The following TBX15 variants were observed in gnomAD, a reference collection of about 807,000 sequenced individuals.
The protein encoded by TBX15 is T-box transcription factor 15.
TBX15 carries 18 observed loss-of-function variants against 53.9 expected under a neutral mutation model. The ratio of observed to expected loss-of-function variants is 0.33; its 90% CI spans 0.23 to 0.49. The LOEUF (loss-of-function observed/expected upper bound fraction) is 0.49. Ranked by LOEUF, TBX15 falls within the 20% of genes least tolerant of loss-of-function variation. The probability of loss-of-function intolerance (pLI) is 0.98; values close to 1 mark genes in which losing one functional copy is unlikely to be tolerated. For missense variants in TBX15, 692 were observed against 749.5 expected (o/e 0.92, Z 0.90); for synonymous variants, 295 against 278.0 (o/e 1.06, Z -0.61).
At chr1:118,918,980 A>C (rs1428629510) in intron 5 of TBX15, among the ~76,000 whole-genome samples, 1 of 152,210 alleles carries the variant, frequency 6.6e-6, no homozygotes, top group Admixed American at 6.5e-5. Flanking sequence ...ACCTTAGCCC[A>C]TATGAAAAAG....
intron 1 of TBX15, among the ~76,000 whole-genome samples, chr1:118,965,151 G>A (rs376006036): frequency 8.5e-4 from 129 of 152,212 alleles, no homozygotes; most frequent in African/African-American, 2.9e-3. Context: ...GAAAGCCTCC[G>A]GCACTGAAGA....
chr1:118,907,601 A>G (rs539784990), intron 6 of TBX15, among the ~76,000 whole-genome samples: 2 of 152,220 alleles, frequency 1.3e-5, no homozygotes, highest in Admixed American at 1.3e-4. Context: ...GGCAGTTGTC[A>G]TGCTCCCTCT....
chr1:118,895,811 C>T (rs1483369309), intron 7 of TBX15, among the ~76,000 whole-genome samples: 1 of 152,128 alleles, frequency 6.6e-6, no homozygotes, highest in Non-Finnish European at 1.5e-5. Context: ...TAAAAACCAT[C>T]AATAGGAAGA....
chr1:118,979,140 C>T (rs1657550179), intron 1 of TBX15, among the ~76,000 whole-genome samples: 1 of 152,214 alleles, frequency 6.6e-6, no homozygotes, highest in South Asian at 2.1e-4. Context: ...TAAAAGAACG[C>T]AGTTATTTCA....
At chr1:118,927,324 A>G (rs1210324037) in intron 2 of TBX15, among the ~76,000 whole-genome samples, 1 of 152,196 alleles carries the variant, frequency 6.6e-6, no homozygotes, top group Non-Finnish European at 1.5e-5. Context: ...TAATCTTTTT[A>G]AAGGTTAGTA....
chr1:118,956,766 C>T (rs900401687), intron 1 of TBX15, among the ~76,000 whole-genome samples: 4 of 148,296 alleles, frequency 2.7e-5, no homozygotes, highest in African/African-American at 1.0e-4. Flanking sequence ...TCCTGGCTAA[C>T]ACGGTGAAAC....
intron 7 of TBX15, among the ~76,000 whole-genome samples, chr1:118,887,376 T>G (rs1256865989): frequency 6.6e-6 from 1 of 152,152 alleles, no homozygotes; most frequent in Non-Finnish European, 1.5e-5. Context: ...GAAGAAAATG[T>G]TATAAAAACT....
At position 118,954,841 on chromosome 1, in the gene TBX15, A is replaced by C. The variant is rs1017979078; in HGVS notation, c.206-23009T>G. On this transcript the variant is annotated intron_variant, in intron 1 of 7. Coordinates refer to ENST00000369429, the MANE Select transcript of TBX15 (RefSeq NM_001330677.2). ...TGATGCACACAGGCATCTCAGCTGGAAGCACTGCATGATTTTATAGGCCCT... is the reference window on the plus strand; with the variant it reads ...TGATGCACACAGGCATCTCAGCTGGCAGCACTGCATGATTTTATAGGCCCT... Among the ~76,000 whole-genome samples, 91 of 152,346 alleles carry C rather than the reference A, an allele frequency of 6.0e-4. 1 individual carries two copies. Among genetic ancestry groups the C allele is most frequent in the Non-Finnish European group, 6.9e-4 (47 of 68,026 alleles).
chr1:118,902,134 T>C (rs1557876651), intron 6 of TBX15, among the ~76,000 whole-genome samples: 1 of 152,120 alleles, frequency 6.6e-6, no homozygotes, highest in Non-Finnish European at 1.5e-5. Flanking sequence ...CAGAGAATAA[T>C]ATTGGTCTCA....
rs192530914 is a variant in TBX15, at chr1:118,922,824, T to C, written c.861+612A>G. On this transcript the variant is annotated intron_variant, in intron 5 of 7. Coordinates refer to ENST00000369429, the MANE Select transcript of TBX15 (RefSeq NM_001330677.2). ...TGGGTTACAATAATGGCTCTCCTAG[T>C]CTCTGTAACTGATCTCAATGAGGCA... Among the ~76,000 whole-genome samples, 79 of 152,308 alleles carry C rather than the reference T, an allele frequency of 5.2e-4. No homozygotes were observed. In the East Asian group the frequency reaches 0.014, roughly 26 times the overall value.
rs143068764 is a variant in TBX15, at chr1:118,964,381, T to G, written c.205+23210A>C. The stretch of plus-strand genomic sequence containing the variant: ...GTTACTGACATTAATAGATCACTAA[T>G]TGTTGGTGACTTTAATTCTTATGAC... On this transcript the variant is annotated intron_variant, in intron 1 of 7. Coordinates refer to ENST00000369429, the MANE Select transcript of TBX15 (RefSeq NM_001330677.2). Among the ~76,000 whole-genome samples, 36 of 152,340 alleles carry G rather than the reference T, an allele frequency of 2.4e-4. No individual in the cohort carries two copies. The East Asian group carries it at 5.4e-3, about 23-fold the overall frequency.
At chr1:118,905,940 C>T (rs1251047974) in intron 6 of TBX15, among the ~76,000 whole-genome samples, 1 of 152,148 alleles carries the variant, frequency 6.6e-6, no homozygotes, top group Non-Finnish European at 1.5e-5. Context: ...GCAAGCTATG[C>T]CTAGCAGAAG....
chr1:118,892,449 A>G (rs1282002039), intron 7 of TBX15, among the ~76,000 whole-genome samples: 2 of 152,232 alleles, frequency 1.3e-5, no homozygotes, highest in Admixed American at 6.5e-5. Flanking sequence ...ACCAATTACA[A>G]CCCCACAAAT....
At chr1:118,933,630 C>T (rs910781510) in intron 1 of TBX15, among the ~76,000 whole-genome samples, 1 of 152,102 alleles carries the variant, frequency 6.6e-6, no homozygotes, top group African/African-American at 2.4e-5. Context: ...TATATCCTAG[C>T]CTGATTCTAT....
chr1:118,890,894 C>T (rs1386786681), intron 7 of TBX15: 7 of 1,303,834 alleles, frequency 5.4e-6, no homozygotes, highest in Non-Finnish European at 7.1e-6. Flanking sequence ...ACTCTTCTCT[C>T]GTATAATTCA....
chr1:118,898,478 G>A (rs1654505582), intron 7 of TBX15, among the ~76,000 whole-genome samples: 1 of 152,074 alleles, frequency 6.6e-6, no homozygotes, highest in East Asian at 1.9e-4. Context: ...CAAAGCAGTA[G>A]GGGGGAAAGT....
chr1:118,987,910 C>T lies in TBX15; in HGVS notation c.-115G>A. 1 of 1,336,906 alleles carries T rather than the reference C, an allele frequency of 7.5e-7. No individual in the cohort carries two copies. Among genetic ancestry groups the T allele is most frequent in the Non-Finnish European group, 1.0e-6 (1 of 983,012 alleles). The allele number at this position is 1,336,906 out of a possible 1,614,324, so 82.8% of individuals were successfully genotyped here. A position where few individuals can be genotyped will look rare whatever the true frequency, so the allele number is the denominator to read the frequency against. On this transcript the variant is annotated 5_prime_UTR_variant, in exon 1 of 8. Transcript: ENST00000369429. Reference sequence around the variant, plus strand: ...CCGGGAGAGGCGGAGGCGCGTCGGACGAGGCTGAGACTGCGGCTCGCGGGT... The same window carrying T: ...CCGGGAGAGGCGGAGGCGCGTCGGATGAGGCTGAGACTGCGGCTCGCGGGT...
chr1:118,917,877 C>T (rs1025962070), intron 5 of TBX15, among the ~76,000 whole-genome samples: 6 of 152,182 alleles, frequency 3.9e-5, no homozygotes, highest in Non-Finnish European at 8.8e-5. Flanking sequence ...CCAGCAGGCC[C>T]TTACTCTGGC....
intron 1 of TBX15, among the ~76,000 whole-genome samples, chr1:118,985,743 A>G (rs943874439): frequency 2.6e-5 from 4 of 152,216 alleles, no homozygotes; most frequent in African/African-American, 7.2e-5. Flanking sequence ...GAAATGACCA[A>G]CCGAACTCTG....
Sources: allele counts gnomAD v4.1 joint callset (sites outside exome capture counted in the v4.1 genomes callset), GRCh38; gene constraint gnomAD v4.1.1; transcripts MANE v1.5; gene names NCBI Gene and HGNC (gene_info 2026-07-23, HGNC 2026-07-21).